Variants in MAGI1 observed in about 807,000 individuals in gnomAD.
MAGI1 encodes membrane-associated guanylate kinase, WW and PDZ domain-containing protein 1.
In MAGI1, 58 loss-of-function variants were observed where a neutral mutation model predicts 139.9. That is an observed-to-expected ratio of 0.41 (90% CI 0.34 to 0.52). The LOEUF is 0.52. MAGI1 is among the 20% of genes least tolerant of loss of function. The pLI is 0.12. For synonymous variants in MAGI1, 812 were observed against 737.9 expected (o/e 1.10, Z -1.63); for missense variants, 1,874 against 1,901.6 (o/e 0.99, Z 0.27).
chr3:65,823,513 A>G (rs17073886), intron 1 of MAGI1, among the ~76,000 whole-genome samples: 2,773 of 152,308 alleles, frequency 0.018, 79 homozygotes, highest in African/African-American at 0.063. Flanking sequence ...GTGGTATGCC[A>G]TATAAAGCTA....
chr3:65,657,898 T>G (rs541507993), intron 1 of MAGI1, among the ~76,000 whole-genome samples: 35 of 152,314 alleles, frequency 2.3e-4, no homozygotes, highest in African/African-American at 8.2e-4. Flanking sequence ...ACTGAAATTT[T>G]CTCATCTGTC....
At chr3:65,739,705 C>G (rs2035093959) in intron 1 of MAGI1, among the ~76,000 whole-genome samples, 1 of 151,974 alleles carries the variant, frequency 6.6e-6, no homozygotes, top group Admixed American at 6.6e-5. Context: ...TAGGGAGGCC[C>G]CAGGAGAGGG....
chr3:66,010,402 G>A (rs2067266556), intron 1 of MAGI1, among the ~76,000 whole-genome samples: 1 of 152,090 alleles, frequency 6.6e-6, no homozygotes. Context: ...CTTATTCTAG[G>A]TCTCCTTGAA....
At chr3:65,702,877 T>A (rs1451248885) in intron 1 of MAGI1, among the ~76,000 whole-genome samples, 1 of 152,098 alleles carries the variant, frequency 6.6e-6, no homozygotes, top group South Asian at 2.1e-4. Flanking sequence ...TCCTCCTTTT[T>A]ATTTCCACTC....
intron 1 of MAGI1, among the ~76,000 whole-genome samples, chr3:65,812,162 T>C (rs2041284373): frequency 6.6e-6 from 1 of 152,054 alleles, no homozygotes; most frequent in Non-Finnish European, 1.5e-5. Context: ...ACCAGACACA[T>C]AATAAATACT....
At chr3:65,408,964 A>G (rs1575643219) in intron 12 of MAGI1, among the ~76,000 whole-genome samples, 1 of 152,320 alleles carries the variant, frequency 6.6e-6, no homozygotes, top group East Asian at 1.9e-4. Context: ...AATTTCAGAG[A>G]GTGGTAACTT....
intron 1 of MAGI1, among the ~76,000 whole-genome samples, chr3:65,629,536 A>T (rs57690029): frequency 0.053 from 7,930 of 148,822 alleles, 420 homozygotes; most frequent in African/African-American, 0.14. Flanking sequence ...AACAAATGGT[A>T]TGTACTGCAG....
chr3:65,824,577 A>G (rs1251421829), intron 1 of MAGI1, among the ~76,000 whole-genome samples: 1 of 152,212 alleles, frequency 6.6e-6, no homozygotes, highest in Non-Finnish European at 1.5e-5. Context: ...TTTATCTTCA[A>G]AAATAAATCT....
intron 1 of MAGI1, among the ~76,000 whole-genome samples, chr3:65,812,809 G>C (rs183811): frequency 0.42 from 60,448 of 144,698 alleles, 12,872 homozygotes; most frequent in African/African-American, 0.51. Flanking sequence ...CTCCTGGGTT[G>C]AAGCGATTCT....
At chr3:65,633,664 T>C (rs190036608) in intron 1 of MAGI1, among the ~76,000 whole-genome samples, 1 of 152,378 alleles carries the variant, frequency 6.6e-6, no homozygotes, top group East Asian at 1.9e-4. Flanking sequence ...TCTTGATTTT[T>C]TCATTATTTA....
At chr3:65,855,680 A>T (rs2059357608) in intron 1 of MAGI1, among the ~76,000 whole-genome samples, 1 of 130,762 alleles carries the variant, frequency 7.6e-6, no homozygotes, top group Non-Finnish European at 1.7e-5. Context: ...AAAAGAAAGG[A>T]AAAGAAAAGA....
chr3:65,430,901 G>A lies in MAGI1; in HGVS notation c.1364-20C>T, dbSNP rs749908923. The A allele has an allele frequency of 8.7e-6, 14 of 1,608,866 alleles. No individual in the cohort carries two copies. The highest frequency in any genetic ancestry group is 4.0e-5 in the African/African-American group (3 of 74,706). On this transcript the variant is annotated intron_variant, in intron 10 of 22. Coordinates refer to ENST00000402939, the MANE Select transcript of MAGI1 (RefSeq NM_001033057.2). ...GTTTGCCTGGATTAAAATAAGAAAC[G>A]CATAAGGAATGTCACCACTGGTGAA... is the stretch of plus-strand genomic sequence containing the variant.
At chr3:65,808,152 A>G (rs1212037328) in intron 1 of MAGI1, among the ~76,000 whole-genome samples, 2 of 151,954 alleles carry the variant, frequency 1.3e-5, no homozygotes, top group Non-Finnish European at 1.5e-5. Flanking sequence ...CGCCCAGCTA[A>G]TTTTGTATTT....
chr3:65,671,810 C>T (rs1214267834), intron 1 of MAGI1, among the ~76,000 whole-genome samples: 3 of 152,116 alleles, frequency 2.0e-5, no homozygotes, highest in African/African-American at 7.2e-5. Context: ...CACTTCCCTC[C>T]TTGACAGGCT....
At chr3:65,693,341 G>A (rs1011931811) in intron 1 of MAGI1, among the ~76,000 whole-genome samples, 1 of 152,150 alleles carries the variant, frequency 6.6e-6, no homozygotes, top group Non-Finnish European at 1.5e-5. Context: ...ACTTGAAAAG[G>A]TTGAAAACTT....
chr3:65,812,468 T>TCTCTCTCACACACACACA (rs1176899313), intron 1 of MAGI1, among the ~76,000 whole-genome samples: 10 of 89,162 alleles, frequency 1.1e-4, no homozygotes, highest in African/African-American at 3.2e-4. Flanking sequence ...TCTCTCTCTC[T>TCTCTCTCACACACACACA]CACACACACA....
At chr3:65,537,626 A>G (rs764982837) in intron 2 of MAGI1, among the ~76,000 whole-genome samples, 1 of 152,198 alleles carries the variant, frequency 6.6e-6, no homozygotes, top group Non-Finnish European at 1.5e-5. Context: ...ATACCTTGCA[A>G]TAAAAACAAT....
chr3:65,891,775 T>G (rs1282148646), intron 1 of MAGI1, among the ~76,000 whole-genome samples: 2 of 141,310 alleles, frequency 1.4e-5, no homozygotes, highest in African/African-American at 2.6e-5. Context: ...CTTTAGGAGA[T>G]ATACCTAATG....
At chr3:65,739,438 G>C (rs1183136160) in intron 1 of MAGI1, among the ~76,000 whole-genome samples, 1 of 152,134 alleles carries the variant, frequency 6.6e-6, no homozygotes, top group Non-Finnish European at 1.5e-5. Flanking sequence ...TGCCATTCGT[G>C]TGCTTACTGG....
Sources: allele counts gnomAD v4.1 joint callset (sites outside exome capture counted in the v4.1 genomes callset), GRCh38; gene constraint gnomAD v4.1.1; transcripts MANE v1.5; gene names NCBI Gene and HGNC (gene_info 2026-07-23, HGNC 2026-07-21).